Variants in ANOS1 observed in about 807,000 individuals in gnomAD.
The protein encoded by ANOS1 is anosmin-1.
In ANOS1, 6 loss-of-function variants were observed where a neutral mutation model predicts 59.0. The ratio of observed to expected loss-of-function variants is 0.10; its 90% CI spans 0.06 to 0.20. The LOEUF (loss-of-function observed/expected upper bound fraction) is 0.20, where lower values mean the gene tolerates loss of function less well. Among genes scored for constraint, ANOS1 ranks in the 10% least tolerant of loss-of-function variants. ANOS1 has a pLI of 1.00. For synonymous variants in ANOS1, 217 were observed against 223.4 expected (o/e 0.97, Z 0.25); for missense variants, 433 against 542.3 (o/e 0.80, Z 2.00).
intron 7 of ANOS1, among the ~76,000 whole-genome samples, chrX:8,570,255 G>C (rs1296932407): frequency 2.7e-5 from 3 of 111,468 alleles, no homozygotes; most frequent in Non-Finnish European, 5.6e-5. Flanking sequence ...CCAGAGTTCT[G>C]ACTGACATTT....
rs1192765875 is a variant in ANOS1 at position 8,725,639 on chromosome X, G to GAT, written c.207+6189_207+6190dup. 4.3e-4 allele frequency among the ~76,000 whole-genome samples: 16 copies of GAT among 37,434 alleles called. 1 individual carries two copies. Among genetic ancestry groups the GAT allele is most frequent in the Admixed American group, 6.7e-4 (2 of 2,982 alleles). The allele number at this position is 37,434 out of a possible 115,157, so 32.5% of individuals were successfully genotyped here. The stretch of plus-strand genomic sequence containing the variant: ...ATATATATACAGATATATATATACA[G>GAT]ATATATATACAGATATATATATATA... On this transcript the variant is annotated intron_variant, in intron 1 of 13. Coordinates refer to ENST00000262648, the MANE Select transcript of ANOS1 (RefSeq NM_000216.4).
intron 2 of ANOS1, among the ~76,000 whole-genome samples, chrX:8,632,773 T>TA (rs574902851): frequency 0.12 from 12,001 of 102,316 alleles, 991 homozygotes; most frequent in African/African-American, 0.26. Context: ...TTGGGGTTCT[T>TA]AAAAAAAAAA....
intron 1 of ANOS1, among the ~76,000 whole-genome samples, chrX:8,724,323 C>T (rs1012080055): frequency 9.0e-6 from 1 of 111,521 alleles, no homozygotes; most frequent in Non-Finnish European, 1.9e-5. Flanking sequence ...AATGGGGTTT[C>T]TCGGACATGA....
intron 2 of ANOS1, among the ~76,000 whole-genome samples, chrX:8,662,557 A>G (rs930200650): frequency 8.9e-6 from 1 of 112,078 alleles, no homozygotes; most frequent in African/African-American, 3.2e-5. Flanking sequence ...TCCCCCCAAA[A>G]TTGATATGTT....
At chrX:8,555,277 G>A (rs1005067002) in intron 8 of ANOS1, among the ~76,000 whole-genome samples, 1 of 111,283 alleles carries the variant, frequency 9.0e-6, no homozygotes, top group Non-Finnish European at 1.9e-5. Context: ...GGAGAAAGCG[G>A]GGAAGATCTA....
chrX:8,630,356 G>A (rs1464115994), intron 2 of ANOS1, among the ~76,000 whole-genome samples: 1 of 108,606 alleles, frequency 9.2e-6, no homozygotes, highest in Non-Finnish European at 1.9e-5. Context: ...GCTTGAACCT[G>A]GGAGCTGGAA....
intron 6 of ANOS1, among the ~76,000 whole-genome samples, chrX:8,582,149 C>T (rs1930435896): frequency 8.9e-6 from 1 of 112,276 alleles, no homozygotes; most frequent in Non-Finnish European, 1.9e-5. Flanking sequence ...AGAAACAGTG[C>T]ACAAGATTAA....
chrX:8,652,204 C>A (rs151100865), intron 2 of ANOS1, among the ~76,000 whole-genome samples: 1,170 of 111,486 alleles, frequency 0.01, 25 homozygotes, highest in African/African-American at 0.036. Context: ...TTCAGGCGAT[C>A]CTCCCACCTC....
intron 1 of ANOS1, among the ~76,000 whole-genome samples, chrX:8,717,669 A>G (rs1258377262): frequency 9.0e-6 from 1 of 111,437 alleles, no homozygotes; most frequent in Non-Finnish European, 1.9e-5. Context: ...AAGAAAAGAG[A>G]GATCAGGAGA....
rs758555230 is a variant in ANOS1 at position 8,533,138 on chromosome X, C to T, written c.1985-85G>A. The T allele has an allele frequency of 4.2e-5, 25 of 601,436 alleles. No individual in the cohort carries two copies. The East Asian group carries it at 5.3e-4, about 13-fold the overall frequency. 49.6% of individuals were successfully genotyped at this position (601,436 alleles called of 1,213,427 possible). Reference sequence around the variant, plus strand: ...ATTACCTTTATTTGTAGAAAAAGCACGAGACCCTGGCAAATGTTCCTTCCT... The same window carrying T: ...ATTACCTTTATTTGTAGAAAAAGCATGAGACCCTGGCAAATGTTCCTTCCT... On this transcript the variant is annotated intron_variant, in intron 13 of 13. Transcript: ENST00000262648.
intron 2 of ANOS1, among the ~76,000 whole-genome samples, chrX:8,648,717 T>C (rs1931802664): frequency 1.8e-5 from 2 of 112,260 alleles, no homozygotes; most frequent in African/African-American, 6.5e-5. Flanking sequence ...ATTACACTTA[T>C]TATCAAATAG....
chrX:8,575,842 G>A (rs1040495229), intron 6 of ANOS1, among the ~76,000 whole-genome samples: 2 of 111,303 alleles, frequency 1.8e-5, no homozygotes, highest in Non-Finnish European at 3.8e-5. Flanking sequence ...GGTGACCCAC[G>A]TCTGTAATCT....
At chrX:8,708,793 A>T (rs1022791393) in intron 1 of ANOS1, among the ~76,000 whole-genome samples, 3 of 112,263 alleles carry the variant, frequency 2.7e-5, no homozygotes, top group African/African-American at 9.7e-5. Context: ...AAATCATTCT[A>T]CTATAAAGAC....
intron 7 of ANOS1, among the ~76,000 whole-genome samples, chrX:8,570,085 C>T (rs1044785184): frequency 6.6e-5 from 7 of 106,711 alleles, no homozygotes; most frequent in African/African-American, 1.7e-4. Context: ...GGAAACACTT[C>T]GCAACAGAAA....
intron 7 of ANOS1, among the ~76,000 whole-genome samples, chrX:8,569,567 G>A (rs1041571742): frequency 6.5e-4 from 73 of 111,809 alleles, no homozygotes; most frequent in African/African-American, 2.0e-3. Flanking sequence ...GCGTGAACCC[G>A]GGAGGCGGAG....
chrX:8,588,069 T>G, intron 4 of ANOS1, 91 bp from the exon 5 acceptor site: 1 of 818,331 alleles, frequency 1.2e-6, no homozygotes, highest in Non-Finnish European at 1.8e-6. Context: ...GAGATGAATC[T>G]GATCTGATGA....
At chrX:8,685,605 A>AAAGG (rs1491298856) in intron 2 of ANOS1, among the ~76,000 whole-genome samples, 2 of 63,673 alleles carry the variant, frequency 3.1e-5, no homozygotes, top group African/African-American at 8.1e-5. Context: ...AGGAAGAAAG[A>AAAGG]AAGAAAGAAA....
intron 3 of ANOS1, 57 bp downstream of exon 3, chrX:8,623,551 A>T: frequency 1.1e-6 from 1 of 875,354 alleles, no homozygotes; most frequent in Non-Finnish European, 1.7e-6. Flanking sequence ...CCATGACCCC[A>T]CGTAAGCATA....
chrX:8,685,577 G>A (rs148038220), intron 2 of ANOS1, among the ~76,000 whole-genome samples: 17 of 43,802 alleles, frequency 3.9e-4, no homozygotes, highest in Middle Eastern at 0.014. Flanking sequence ...AAGGAAGGAA[G>A]GAAAGAAAGA....
Sources: gnomAD v4.1 joint callset for allele counts (sites outside exome capture counted in the v4.1 genomes callset) on GRCh38, gnomAD v4.1.1 for gene constraint, MANE v1.5 for transcripts, NCBI Gene and HGNC (gene_info 2026-07-23, HGNC 2026-07-21) for gene names.